Variants in CMPK2 observed in about 807,000 individuals in gnomAD.
CMPK2 encodes cytidine/uridine monophosphate kinase 2.
CMPK2 carries 32 observed loss-of-function variants against 33.4 expected under a neutral mutation model. The ratio of observed to expected loss-of-function variants is 0.96; its 90% CI spans 0.72 to 1.29. The LOEUF is 1.29. Among genes scored for constraint, CMPK2 ranks in the 50% most tolerant of loss-of-function variants. The probability of loss-of-function intolerance (pLI) is 0.00; values close to 1 mark genes in which losing one functional copy is unlikely to be tolerated. For synonymous variants in CMPK2, 299 were observed against 275.3 expected (o/e 1.09, Z -0.85); for missense variants, 672 against 616.0 (o/e 1.09, Z -0.96).
rs772493216 is a variant in CMPK2 at position 6,865,039 on chromosome 2, G to A, written c.658C>T (p.Arg220Trp). ...SVVFPDREAA[R>W]AVLEECTSFI... ...ACTCTTACCTCCTCCAAAACGGCCC[G>A]GGCGGCTTCCCGGTCCGGGAAGACC... The change falls in exon 1 of 5, where the codon CGG becomes TGG. Residue 220 changes from arginine to tryptophan, a missense_variant. Coordinates refer to ENST00000256722, the MANE Select transcript of CMPK2 (RefSeq NM_207315.4). The A allele has an allele frequency of 1.0e-5, 15 of 1,429,564 alleles. No homozygotes were observed. Among genetic ancestry groups the A allele is most frequent in the African/African-American group, 1.5e-5 (1 of 66,848 alleles). 88.6% of individuals were successfully genotyped at this position (1,429,564 alleles called of 1,614,324 possible).
chr2:6,842,497 C>A (rs1486435328), intron 3 of CMPK2, among the ~76,000 whole-genome samples: 1 of 152,208 alleles, frequency 6.6e-6, no homozygotes, highest in Non-Finnish European at 1.5e-5. Flanking sequence ...CTTTAGCCAT[C>A]AAGTCAAGTT....
At chr2:6,844,079 G>A (rs1266760547), downstream of CMPK2, among the ~76,000 whole-genome samples, 1 of 152,188 alleles carries the variant, frequency 6.6e-6, no homozygotes, top group African/African-American at 2.4e-5. Context: ...GGACAGGGTT[G>A]AGGTGGCTTC....
At chr2:6,850,757 T>A in intron 4 of CMPK2, 2 of 985,308 alleles carry the variant, frequency 2.0e-6, no homozygotes, top group Non-Finnish European at 2.4e-6. Flanking sequence ...TACTATGTTA[T>A]GATAACAGGG....
chr2:6,841,008 G>C (rs1662216169), intron 3 of CMPK2, among the ~76,000 whole-genome samples: 1 of 152,024 alleles, frequency 6.6e-6, no homozygotes, highest in African/African-American at 2.4e-5. Flanking sequence ...CACTTCCTGA[G>C]GTGTCTCTTA....
Position 6,865,054 on chromosome 2 carries a change from C to T in CMPK2, c.643G>A (p.Asp215Asn), listed in dbSNP as rs1663016841. ...AAAACGGCCCGGGCGGCTTCCCGGT[C>T]CGGGAAGACCACGGAACTGGGCAAG... ...PDLPSSVVFPDREAARAVLEE... is the reference protein window; with the variant it reads ...PDLPSSVVFPNREAARAVLEE... Residue 215 changes from aspartate (D) to asparagine (N), a missense_variant, in exon 1 of 5, where the codon GAC becomes AAC. Transcript: ENST00000256722. The T allele has an allele frequency of 7.0e-7, 1 of 1,438,244 alleles. No individual in the cohort carries two copies. Among genetic ancestry groups the T allele is most frequent in the Non-Finnish European group, 9.1e-7 (1 of 1,094,986 alleles). 89.1% of individuals were successfully genotyped at this position (1,438,244 alleles called of 1,614,324 possible).
At chr2:6,852,589 C>T (rs541318756) in intron 3 of CMPK2, among the ~76,000 whole-genome samples, 2 of 152,190 alleles carry the variant, frequency 1.3e-5, no homozygotes, top group Non-Finnish European at 2.9e-5. Flanking sequence ...CTGAAAAACT[C>T]CTCATTGCAA....
downstream of CMPK2, among the ~76,000 whole-genome samples, chr2:6,843,836 AGAG>A (rs548116985): frequency 1.3e-4 from 20 of 152,330 alleles, no homozygotes; most frequent in African/African-American, 3.8e-4. Context: ...TCAGGACTGG[AGAG>A]GAGAACAGAG....
intron 4 of CMPK2, 76 bp from the exon 5 acceptor site, chr2:6,850,049 T>C (rs1018922182): frequency 1.6e-5 from 18 of 1,134,566 alleles, no homozygotes; most frequent in South Asian, 1.5e-4. Context: ...TTTCCTACCA[T>C]AGTATAAATA....
chr2:6,849,064 A>G lies in CMPK2; in HGVS notation c.*786T>C. 2.0e-6 allele frequency: 2 copies of G among 984,434 alleles called. No homozygotes were observed. The highest frequency in any genetic ancestry group is 2.4e-6 in the Non-Finnish European group (2 of 828,804). 61.0% of individuals were successfully genotyped at this position (984,434 alleles called of 1,614,324 possible). The stretch of plus-strand genomic sequence containing the variant: ...TTACTGGATTGGCTAAATGAAATGC[A>G]TCCAGTTCAATGGAAAATGTGCATT... On this transcript the variant is annotated 3_prime_UTR_variant, in exon 5 of 5. Coordinates refer to ENST00000256722, the MANE Select transcript of CMPK2 (RefSeq NM_207315.4).
chr2:6,845,740 C>T (rs1173622291), downstream of CMPK2, among the ~76,000 whole-genome samples: 1 of 152,210 alleles, frequency 6.6e-6, no homozygotes, highest in Non-Finnish European at 1.5e-5. Context: ...CTGTGGCTTC[C>T]CTTGCTATAG....
Position 6,849,888 on chromosome 2 carries a change from C to T in CMPK2, c.1312G>A (p.Val438Ile), listed in dbSNP as rs757300868. 3.7e-6 allele frequency: 6 copies of T among 1,614,136 alleles called. No homozygotes were observed. In the South Asian group the frequency reaches 6.6e-5, roughly 18 times the overall value. ...AAACTATTCTGGATTAGGCTTAATA[C>T]CGTCTGCAGGACCTTTTCTCTGGAG... is the stretch of plus-strand genomic sequence containing the variant. ...SPSREKVLQT[V>I]LSLIQNSFSE... The change falls in exon 5 of 5, where the codon GTA becomes ATA. Residue 438 changes from valine to isoleucine, a missense_variant. By Grantham distance (29) the Val-to-Ile change is conservative (BLOSUM62 3). Coordinates refer to ENST00000256722, the MANE Select transcript of CMPK2 (RefSeq NM_207315.4).
At position 6,849,821 on chromosome 2, in the gene CMPK2, T is replaced by A. The variant is rs917577057; in HGVS notation, c.*29A>T. Reference sequence around the variant, plus strand: ...TAGATGTTTCAAACAACATCTAATCTAGTTAGACGTGGCACCTGGCCAGAG... The same window carrying A: ...TAGATGTTTCAAACAACATCTAATCAAGTTAGACGTGGCACCTGGCCAGAG... On this transcript the variant is annotated 3_prime_UTR_variant, in exon 5 of 5. Coordinates refer to ENST00000256722, the MANE Select transcript of CMPK2 (RefSeq NM_207315.4). The A allele has an allele frequency of 1.2e-6, 2 of 1,612,486 alleles. No individual in the cohort carries two copies. Among genetic ancestry groups the A allele is most frequent in the African/African-American group, 2.7e-5 (2 of 74,908 alleles).
chr2:6,855,767 CTG>C (rs976719335), intron 3 of CMPK2, among the ~76,000 whole-genome samples: 1 of 152,192 alleles, frequency 6.6e-6, no homozygotes, highest in African/African-American at 2.4e-5. Flanking sequence ...AGCCTTCTAG[CTG>C]ATTCTTTTTC....
chr2:6,859,023 T>C (rs1198242724), intron 3 of CMPK2, among the ~76,000 whole-genome samples: 2 of 152,140 alleles, frequency 1.3e-5, no homozygotes, highest in Non-Finnish European at 2.9e-5. Context: ...TGGTCTCAGA[T>C]GGAAATGAGG....
chr2:6,853,658 G>T (rs7567458), intron 3 of CMPK2, among the ~76,000 whole-genome samples: 2,239 of 152,186 alleles, frequency 0.015, 54 homozygotes, highest in African/African-American at 0.052. Context: ...AATTCACTTG[G>T]TTGGGAGGCT....
At position 6,851,595 on chromosome 2, in the gene CMPK2, G is replaced by A. The variant is rs1177412695; in HGVS notation, c.1081C>T (p.Gln361Ter). Residue 361 changes from glutamine (Q) to a stop codon, truncating the protein, a stop_gained, in exon 4 of 5, where the codon CAG becomes TAG. Transcript: ENST00000256722. LOFTEE classifies it high-confidence loss of function. The stretch of plus-strand genomic sequence containing the variant: ...GGTTTGAGCAGGTCCTCTGGCCACT[G>A]GTACACAGGGTGATGGGCTGGGGGC... ...HLPPAHHPVY[Q>*]WPEDLLKPDL... The A allele has an allele frequency of 1.9e-6, 3 of 1,614,048 alleles. No homozygotes were observed. The highest frequency in any genetic ancestry group is 2.2e-5 in the East Asian group (1 of 44,894).
At chr2:6,858,708 G>A (rs563017288) in intron 3 of CMPK2, among the ~76,000 whole-genome samples, 4 of 152,322 alleles carry the variant, frequency 2.6e-5, no homozygotes, top group African/African-American at 9.6e-5. Flanking sequence ...CCTCCTCAGC[G>A]ACATGGAACT....
chr2:6,841,589 C>T (rs1010416170), intron 3 of CMPK2, among the ~76,000 whole-genome samples: 5 of 152,108 alleles, frequency 3.3e-5, no homozygotes, highest in African/African-American at 7.2e-5. Context: ...TGATTGTAAC[C>T]ATCCTGAGGG....
chr2:6,844,355 C>A (rs1350089677), downstream of CMPK2, among the ~76,000 whole-genome samples: 1 of 152,126 alleles, frequency 6.6e-6, no homozygotes, highest in East Asian at 1.9e-4. Flanking sequence ...ATCGGGGCTG[C>A]CTGGGTAATA....
Sources: allele counts gnomAD v4.1 joint callset (sites outside exome capture counted in the v4.1 genomes callset), GRCh38; gene constraint gnomAD v4.1.1; transcripts MANE v1.5; gene names NCBI Gene and HGNC (gene_info 2026-07-23, HGNC 2026-07-21).